Variants in SEPTIN8 observed in about 807,000 individuals in gnomAD.
SEPTIN8 encodes septin-8.
SEPTIN8 carries 22 observed loss-of-function variants against 53.1 expected under a neutral mutation model. The observed-to-expected ratio is 0.41, with a 90% CI of 0.30 to 0.59. SEPTIN8 has a LOEUF of 0.59. SEPTIN8 is among the 20% of genes least tolerant of loss of function. The pLI is 0.24. For synonymous variants in SEPTIN8, 228 were observed against 248.4 expected (o/e 0.92, Z 0.77); for missense variants, 536 against 638.7 (o/e 0.84, Z 1.73).
intron 9 of SEPTIN8, chr5:132,758,216 G>A (rs1220461352): frequency 1.1e-5 from 13 of 1,225,188 alleles, no homozygotes; most frequent in Non-Finnish European, 1.2e-5. Context: ...GAAAGGTTTA[G>A]CTGTATTTTT....
chr5:132,756,295 C>G, intron 9 of SEPTIN8: 2 of 984,794 alleles, frequency 2.0e-6, no homozygotes, highest in Non-Finnish European at 2.4e-6. Context: ...CCACATCGGC[C>G]TGGGACAGGT....
chr5:132,766,454 G>A (rs536591919), intron 1 of SEPTIN8, among the ~76,000 whole-genome samples: 1 of 152,348 alleles, frequency 6.6e-6, no homozygotes, highest in Admixed American at 6.5e-5. Context: ...GAGGGTCATG[G>A]TCACACTCCA....
Position 132,763,732 on chromosome 5 carries a change from C to T in SEPTIN8, c.508G>A (p.Val170Met). The T allele has an allele frequency of 6.2e-7, 1 of 1,614,170 alleles. No homozygotes were observed. The highest frequency in any genetic ancestry group is 1.7e-5 in the Admixed American group (1 of 60,016). ...TGHSLKSLDLVTMKKLDSKVN... is the reference protein window; with the variant it reads ...TGHSLKSLDLMTMKKLDSKVN... ...TTGCTGTCTAGTTTCTTCATGGTCA[C>T]TAGATCTAGAGACTTCAGGGAGTGC... The change falls in exon 4 of 10, where the codon GTG (valine) becomes ATG (methionine). Residue 170 changes from valine (V) to methionine (M), a missense_variant. Val to Met is a conservative substitution (Grantham distance 21, BLOSUM62 1). Coordinates refer to ENST00000378719, the MANE Select transcript of SEPTIN8 (RefSeq NM_001098811.2).
Position 132,765,634 on chromosome 5 carries a change from G to A in SEPTIN8, c.31-105C>T, listed in dbSNP as rs551446449. ...TTAAAACAGTGAAGCAGCCCCACCCGATGTCTGAATTCTCAACAAATCTCA... is the reference window on the plus strand; with the variant it reads ...TTAAAACAGTGAAGCAGCCCCACCCAATGTCTGAATTCTCAACAAATCTCA... On this transcript the variant is annotated intron_variant, in intron 1 of 9. Coordinates refer to ENST00000378719, the MANE Select transcript of SEPTIN8 (RefSeq NM_001098811.2). The A allele has an allele frequency of 1.4e-4, 184 of 1,332,720 alleles. 4 individuals carry two copies. In the South Asian group the frequency reaches 2.4e-3, roughly 18 times the overall value. The allele number at this position is 1,332,720 out of a possible 1,614,324, so 82.6% of individuals were successfully genotyped here.
intron 9 of SEPTIN8, among the ~76,000 whole-genome samples, chr5:132,759,922 CAT>C (rs1015468782): frequency 3.3e-5 from 5 of 152,226 alleles, no homozygotes; most frequent in Admixed American, 2.0e-4. Context: ...AGAAGTGACT[CAT>C]AGTTGTCCCC....
intron 9 of SEPTIN8, chr5:132,754,377 A>G (rs1316830447): frequency 1.4e-6 from 1 of 717,210 alleles, no homozygotes; most frequent in South Asian, 1.5e-5. Flanking sequence ...GTGGGACCAC[A>G]GTGCATGAGG....
chr5:132,770,008 T>TATATATATAC (rs1757048340), intron 1 of SEPTIN8, among the ~76,000 whole-genome samples: 9 of 52,208 alleles, frequency 1.7e-4, no homozygotes, highest in South Asian at 8.4e-4. Flanking sequence ...TATATATATA[T>TATATATATAC]ATATATATAT....
intron 1 of SEPTIN8, among the ~76,000 whole-genome samples, chr5:132,766,400 G>A (rs7716611): frequency 6.6e-6 from 1 of 152,134 alleles, no homozygotes; most frequent in African/African-American, 2.4e-5. Context: ...GCCACTGGAG[G>A]TGGCCCACCG....
At chr5:132,753,028 C>G in intron 9 of SEPTIN8, 1 of 1,340,754 alleles carries the variant, frequency 7.5e-7, no homozygotes, top group Non-Finnish European at 1.1e-6. Flanking sequence ...CTTGCTTGGA[C>G]TACCATGAGT....
intron 9 of SEPTIN8, among the ~76,000 whole-genome samples, chr5:132,752,404 C>T (rs1041848052): frequency 3.3e-5 from 5 of 152,156 alleles, no homozygotes; most frequent in African/African-American, 4.8e-5. Context: ...TTCACTGGAC[C>T]AATGGGGGTG....
intron 9 of SEPTIN8, chr5:132,758,531 T>C (rs746692668): frequency 6.2e-7 from 1 of 1,613,438 alleles, no homozygotes; most frequent in South Asian, 1.1e-5. Context: ...ATAGTGACAC[T>C]GTAAATGGAA....
In SEPTIN8 at chr5:132,756,457, G is replaced by C. The variant is rs943873574; in HGVS notation, c.1287-4276C>G. On this transcript the variant is annotated intron_variant, in intron 9 of 9. Transcript: ENST00000378719. Reference sequence around the variant, plus strand: ...TGATAGTAAATGCCAACATGATCCTGTAAGACAGCCCTAATAAAGCCAACA... The same window carrying C: ...TGATAGTAAATGCCAACATGATCCTCTAAGACAGCCCTAATAAAGCCAACA... 1.3e-5 allele frequency: 13 copies of C among 985,412 alleles called. No homozygotes were observed. The African/African-American group carries it at 1.6e-4, about 12-fold the overall frequency. The allele number at this position is 985,412 out of a possible 1,614,324, so 61.0% of individuals were successfully genotyped here.
intron 9 of SEPTIN8, chr5:132,756,792 GC>G (rs1561737600): frequency 1.0e-6 from 1 of 985,298 alleles, no homozygotes; most frequent in African/African-American, 1.7e-5. Flanking sequence ...TGCCTGGGGT[GC>G]GACCCGCAGG....
chr5:132,751,809 A>T lies in SEPTIN8; in HGVS notation c.*207T>A. 1 of 869,700 alleles carries T rather than the reference A, an allele frequency of 1.1e-6. No homozygotes were observed. The highest frequency in any genetic ancestry group is 1.7e-6 in the Non-Finnish European group (1 of 580,910). 53.9% of individuals were successfully genotyped at this position (869,700 alleles called of 1,614,324 possible). On this transcript the variant is annotated 3_prime_UTR_variant, in exon 10 of 10. Coordinates refer to ENST00000378719, the MANE Select transcript of SEPTIN8 (RefSeq NM_001098811.2). ...TCAGCTTGGCCACAGGATGGGCATT[A>T]AGCCTCAAGCCCCTTACGGAGCCAT...
At chr5:132,764,941 T>G (rs1756430233) in intron 2 of SEPTIN8, among the ~76,000 whole-genome samples, 1 of 152,002 alleles carries the variant, frequency 6.6e-6, no homozygotes, top group African/African-American at 2.4e-5. Context: ...GAAGAGCACT[T>G]TGTGTCCTTC....
chr5:132,769,878 G>T (rs79051623), intron 1 of SEPTIN8, among the ~76,000 whole-genome samples: 1 of 149,832 alleles, frequency 6.7e-6, no homozygotes, highest in Admixed American at 6.8e-5. Flanking sequence ...CTCAATCCAT[G>T]GTGGCCACAG....
At chr5:132,768,715 C>T (rs1756883249) in intron 1 of SEPTIN8, among the ~76,000 whole-genome samples, 2 of 152,202 alleles carry the variant, frequency 1.3e-5, no homozygotes, top group African/African-American at 4.8e-5. Context: ...GGTGCAAGTA[C>T]AGGCAAGTGA....
At chr5:132,755,148 G>T (rs1039150027) in intron 9 of SEPTIN8, among the ~76,000 whole-genome samples, 1 of 152,156 alleles carries the variant, frequency 6.6e-6, no homozygotes, top group Non-Finnish European at 1.5e-5. Context: ...AGCTATGCCT[G>T]CATTAGGGAT....
chr5:132,774,491 G>A (rs1004268165), intron 1 of SEPTIN8, among the ~76,000 whole-genome samples: 6 of 152,134 alleles, frequency 3.9e-5, no homozygotes, highest in Non-Finnish European at 8.8e-5. Context: ...AAGGCAAGAG[G>A]CAACACACCC....
Sources: allele counts gnomAD v4.1 joint callset (sites outside exome capture counted in the v4.1 genomes callset), GRCh38; gene constraint gnomAD v4.1.1; transcripts MANE v1.5; gene names NCBI Gene and HGNC (gene_info 2026-07-23, HGNC 2026-07-21).